ZBTB44: variants seen among roughly 807,000 people sequenced by gnomAD.
ZBTB44 encodes zinc finger and BTB domain containing 44.
ZBTB44 carries 15 observed loss-of-function variants against 54.0 expected under a neutral mutation model. The ratio of observed to expected loss-of-function variants is 0.28; its 90% CI spans 0.19 to 0.43. ZBTB44 has a LOEUF of 0.43. Among genes scored for constraint, ZBTB44 ranks in the 20% least tolerant of loss-of-function variants. ZBTB44 has a pLI of 1.00. For synonymous variants in ZBTB44, 230 were observed against 250.1 expected (o/e 0.92, Z 0.76); for missense variants, 487 against 707.1 (o/e 0.69, Z 3.53).
At chr11:130,298,832 GACACACACACACACAC>G (rs71061379) in intron 1 of ZBTB44, among the ~76,000 whole-genome samples, 1 of 149,560 alleles carries the variant, frequency 6.7e-6, no homozygotes, top group Non-Finnish European at 1.5e-5. Flanking sequence ...CAGACACCCA[GACACACACACACACAC>G]ACACACACAC....
intron 1 of ZBTB44, among the ~76,000 whole-genome samples, chr11:130,273,982 G>C (rs772682534): frequency 2.0e-5 from 3 of 151,744 alleles, no homozygotes; most frequent in South Asian, 4.2e-4. Context: ...CAGCTAGTAG[G>C]GGGGCTGAGG....
At position 130,255,898 on chromosome 11, in the gene ZBTB44, CAAAAA is replaced by C. The variant is rs66874715; in HGVS notation, c.1018+4953_1018+4957del. ...AAATTCTAAAGTTGAGGCAAAACCT[CAAAAA>C]AAAAAAAAAAAAAAAAAACACCCCT... On this transcript the variant is annotated intron_variant, in intron 2 of 7. Coordinates refer to ENST00000357899, the MANE Select transcript of ZBTB44 (RefSeq NM_001301098.2). Among the ~76,000 whole-genome samples, 412 of 93,424 alleles carry C rather than the reference CAAAAA, an allele frequency of 4.4e-3. 1 individual carries two copies. The highest frequency in any genetic ancestry group is 6.1e-3 in the Admixed American group (53 of 8,640). The allele number at this position is 93,424 out of a possible 152,430, so 61.3% of individuals were successfully genotyped here. A position where few individuals can be genotyped will look rare whatever the true frequency, so the allele number is the denominator to read the frequency against.
chr11:130,303,433 C>A (rs1479561283), intron 1 of ZBTB44, among the ~76,000 whole-genome samples: 1 of 152,162 alleles, frequency 6.6e-6, no homozygotes, highest in East Asian at 1.9e-4. Context: ...GCTGGGAGTT[C>A]AAGACCAGCC....
chr11:130,246,975 T>C (rs572735255), intron 2 of ZBTB44, among the ~76,000 whole-genome samples: 130 of 152,332 alleles, frequency 8.5e-4, no homozygotes, highest in African/African-American at 2.7e-3. Flanking sequence ...AGATTCACTT[T>C]AGTCTGCATT....
At chr11:130,283,969 C>CAAATAAAAAAAAA (rs1940733034) in intron 1 of ZBTB44, among the ~76,000 whole-genome samples, 1 of 45,174 alleles carries the variant, frequency 2.2e-5, no homozygotes, top group Non-Finnish European at 3.8e-5. Flanking sequence ...GACTCCATCT[C>CAAATAAAAAAAAA]AAAAAAAAAA....
At chr11:130,286,993 C>A (rs1424054118) in intron 1 of ZBTB44, among the ~76,000 whole-genome samples, 1 of 152,224 alleles carries the variant, frequency 6.6e-6, no homozygotes, top group Admixed American at 6.5e-5. Context: ...CAATATCCCT[C>A]TGAATGTCAA....
At chr11:130,297,448 T>C (rs942397754) in intron 1 of ZBTB44, among the ~76,000 whole-genome samples, 16 of 152,216 alleles carry the variant, frequency 1.1e-4, no homozygotes, top group Non-Finnish European at 8.8e-5. Flanking sequence ...GCAGTTAACT[T>C]TATATATGTC....
intron 1 of ZBTB44, among the ~76,000 whole-genome samples, chr11:130,292,895 T>C (rs1194621703): frequency 1.3e-5 from 2 of 152,168 alleles, no homozygotes; most frequent in Non-Finnish European, 2.9e-5. Flanking sequence ...TAAGACTCTT[T>C]TTTACTTTAC....
chr11:130,311,139 T>C (rs1942575119), intron 1 of ZBTB44, among the ~76,000 whole-genome samples: 1 of 152,234 alleles, frequency 6.6e-6, no homozygotes, highest in South Asian at 2.1e-4. Flanking sequence ...ATGAAGCTTA[T>C]TGGTATTAGC....
At chr11:130,257,944 A>G (rs966967636) in intron 2 of ZBTB44, among the ~76,000 whole-genome samples, 5 of 152,160 alleles carry the variant, frequency 3.3e-5, no homozygotes, top group Non-Finnish European at 7.3e-5. Context: ...TATCTTTTCT[A>G]CTGCTTTTGA....
chr11:130,248,587 G>A (rs1937727909), intron 2 of ZBTB44, among the ~76,000 whole-genome samples: 1 of 151,906 alleles, frequency 6.6e-6, no homozygotes, highest in Admixed American at 6.6e-5. Context: ...GTTGCAGTGA[G>A]CTGACATCAC....
chr11:130,286,521 T>C (rs991711337), intron 1 of ZBTB44, among the ~76,000 whole-genome samples: 10 of 152,218 alleles, frequency 6.6e-5, no homozygotes, highest in Non-Finnish European at 1.2e-4. Context: ...CCCTGTCCCT[T>C]TGAACTACAG....
At chr11:130,282,729 C>T (rs1434879316) in intron 1 of ZBTB44, among the ~76,000 whole-genome samples, 1 of 152,164 alleles carries the variant, frequency 6.6e-6, no homozygotes, top group African/African-American at 2.4e-5. Context: ...GAGTGGCTAC[C>T]ACCTTAAACG....
intron 1 of ZBTB44, among the ~76,000 whole-genome samples, chr11:130,307,071 CAA>C (rs201177615): frequency 3.0e-5 from 4 of 134,468 alleles, no homozygotes; most frequent in African/African-American, 5.5e-5. Flanking sequence ...AAAGAACAAG[CAA>C]AAAAAAAAAA....
At chr11:130,313,725 A>T (rs1214241064) in intron 1 of ZBTB44, among the ~76,000 whole-genome samples, 2 of 152,226 alleles carry the variant, frequency 1.3e-5, no homozygotes, top group Admixed American at 6.5e-5. Context: ...GTTCCAAAAA[A>T]AAGCACACAA....
chr11:130,250,671 G>A (rs1388096666), intron 2 of ZBTB44, among the ~76,000 whole-genome samples: 1 of 152,162 alleles, frequency 6.6e-6, no homozygotes. Flanking sequence ...AACTGCAGCA[G>A]ACCTTCAAAA....
At chr11:130,245,431 C>T (rs1387747556) in intron 2 of ZBTB44, among the ~76,000 whole-genome samples, 2 of 152,088 alleles carry the variant, frequency 1.3e-5, no homozygotes, top group African/African-American at 2.4e-5. Flanking sequence ...CAGTCCTGGG[C>T]TAAGAAACTG....
At chr11:130,244,436 C>T (rs1469408130) in intron 2 of ZBTB44, among the ~76,000 whole-genome samples, 1 of 151,934 alleles carries the variant, frequency 6.6e-6, no homozygotes, top group South Asian at 2.1e-4. Flanking sequence ...GGGAGGCCGA[C>T]GTGGGTGGAT....
At chr11:130,285,593 C>CT in intron 1 of ZBTB44, 2 of 230,358 alleles carry the variant, frequency 8.7e-6, no homozygotes, top group Non-Finnish European at 1.8e-5. Context: ...CACCCAGCCT[C>CT]TTTTTTGTTC....
Sources: gnomAD v4.1 joint callset for allele counts (sites outside exome capture counted in the v4.1 genomes callset) on GRCh38, gnomAD v4.1.1 for gene constraint, MANE v1.5 for transcripts, NCBI Gene and HGNC (gene_info 2026-07-23, HGNC 2026-07-21) for gene names.